The following GALNT3 variants were observed in gnomAD, a reference collection of about 807,000 sequenced individuals.
The protein encoded by GALNT3 is GalNAc transferase 3.
A neutral mutation model predicts 69.8 loss-of-function variants in GALNT3; 51 were observed. The ratio of observed to expected loss-of-function variants is 0.73; its 90% CI spans 0.58 to 0.92. The LOEUF (loss-of-function observed/expected upper bound fraction) is 0.92, where lower values mean the gene tolerates loss of function less well. GALNT3 is among the 40% of genes least tolerant of loss of function. The probability of loss-of-function intolerance (pLI) is 0.00; values close to 1 mark genes in which losing one functional copy is unlikely to be tolerated. For missense variants in GALNT3, 711 were observed against 760.0 expected, an observed-to-expected ratio of 0.94 and a Z score of 0.76; for synonymous variants, 265 against 248.5, an observed-to-expected ratio of 1.07 and a Z score of -0.63.
rs79624426 is a variant in GALNT3 at position 165,793,105 on chromosome 2, G to T, written c.-109+910C>A. 4.3e-3 allele frequency among the ~76,000 whole-genome samples: 657 copies of T among 152,168 alleles called. 3 individuals are homozygous for T. The highest frequency in any genetic ancestry group is 0.015 in the African/African-American group (637 of 41,528). ...AAGGAAATAAAAGTCTAAGGTAAGC[G>T]CCAGTTTCACCCTCAATTCTTAGGC... On this transcript the variant is annotated intron_variant, in intron 1 of 10. Transcript: ENST00000392701.
At chr2:165,752,565 A>G (rs1466929565) in intron 9 of GALNT3, among the ~76,000 whole-genome samples, 2 of 152,204 alleles carry the variant, frequency 1.3e-5, no homozygotes, top group Non-Finnish European at 2.9e-5. Flanking sequence ...TATTCTATTT[A>G]AAATGTAAAC....
chr2:165,782,471 G>T (rs189138811), intron 1 of GALNT3, among the ~76,000 whole-genome samples: 2 of 152,010 alleles, frequency 1.3e-5, no homozygotes, highest in African/African-American at 4.8e-5. Flanking sequence ...ATCCAGGGTC[G>T]CATGTGGCCC....
At chr2:165,762,973 T>C (rs1025237636) in intron 3 of GALNT3, among the ~76,000 whole-genome samples, 4 of 151,132 alleles carry the variant, frequency 2.6e-5, no homozygotes, top group East Asian at 1.9e-4. Context: ...CTTTTCTTTT[T>C]TTTTTTTTTT....
chr2:165,783,972 C>G (rs941440003), intron 1 of GALNT3, among the ~76,000 whole-genome samples: 1 of 152,186 alleles, frequency 6.6e-6, no homozygotes, highest in African/African-American at 2.4e-5. Flanking sequence ...ACTTCTCCAA[C>G]TACCATCTGA....
chr2:165,751,706 A>G (rs1208826769), intron 9 of GALNT3, among the ~76,000 whole-genome samples: 2 of 152,196 alleles, frequency 1.3e-5, no homozygotes, highest in Non-Finnish European at 2.9e-5. Flanking sequence ...CTCAAACTGC[A>G]TTACACTAGT....
chr2:165,780,753 A>C (rs1683088598), intron 1 of GALNT3, among the ~76,000 whole-genome samples: 1 of 152,096 alleles, frequency 6.6e-6, no homozygotes, highest in Admixed American at 6.5e-5. Context: ...AGGCAATGCC[A>C]TTAGAGTTGC....
At position 165,773,797 on chromosome 2, in the gene GALNT3, TA is replaced by T. The variant is rs80285814; in HGVS notation, c.-108-2990del. On this transcript the variant is annotated intron_variant, in intron 1 of 10. Transcript: ENST00000392701. ...TTCCAATCCTATGAAGGAGGGGTGGTAAAAAAAAAAAAAAGACAAATGAAAA... is the reference window on the plus strand; with the variant it reads ...TTCCAATCCTATGAAGGAGGGGTGGTAAAAAAAAAAAAAGACAAATGAAAA... Among the ~76,000 whole-genome samples the T allele has an allele frequency of 4.8e-3, 647 of 134,426 alleles. 2 individuals are homozygous for T. Among genetic ancestry groups the T allele is most frequent in the East Asian group, 0.012 (53 of 4,604 alleles). 88.2% of individuals were successfully genotyped at this position (134,426 alleles called of 152,430 possible).
At chr2:165,771,713 G>C (rs564416770) in intron 1 of GALNT3, 4 of 152,174 alleles carry the variant, frequency 2.6e-5, no homozygotes, top group Admixed American at 6.5e-5. Flanking sequence ...CAGGGACGAA[G>C]GGGAGGGAAA....
chr2:165,762,019 G>T lies in GALNT3; in HGVS notation c.724C>A (p.Gln242Lys). The change falls in exon 4 of 11, where the codon CAA (glutamine) becomes AAA (lysine). Residue 242 changes from glutamine (Q) to lysine (K), a missense_variant. Transcript: ENST00000392701. ...LHDKLDEYVKQFSIVKIVRQR... is the reference protein window; with the variant it reads ...LHDKLDEYVKKFSIVKIVRQR... ...CTGACTATTTTTACTATAGAAAATT[G>T]TTTTACATATTCATCTAGTTTATCA... 1 of 1,592,934 alleles carries T rather than the reference G, an allele frequency of 6.3e-7. No individual in the cohort carries two copies. The highest frequency in any genetic ancestry group is 8.6e-7 in the Non-Finnish European group (1 of 1,161,084).
At chr2:165,790,771 G>A (rs1683331106) in intron 1 of GALNT3, among the ~76,000 whole-genome samples, 1 of 152,150 alleles carries the variant, frequency 6.6e-6, no homozygotes, top group South Asian at 2.1e-4. Flanking sequence ...ATCTCTCAAT[G>A]TAGTCTTTTT....
intron 1 of GALNT3, among the ~76,000 whole-genome samples, chr2:165,784,723 T>C (rs1303205251): frequency 6.6e-6 from 1 of 152,112 alleles, no homozygotes; most frequent in African/African-American, 2.4e-5. Flanking sequence ...TTATCTTCAG[T>C]GGTAGACCTA....
chr2:165,754,694 A>G lies in GALNT3; in HGVS notation c.1559T>C (p.Val520Ala). The change falls in exon 9 of 11, where the codon GTT becomes GCT. Residue 520 changes from valine to alanine, a missense_variant. By Grantham distance (64) the Val-to-Ala change is moderately conservative. Transcript: ENST00000392701. ...KSVGQPLCLDVGENNQGGKPL... is the reference protein window; with the variant it reads ...KSVGQPLCLDAGENNQGGKPL... Reference sequence around the variant, plus strand: ...TTTGCCTCCTTGATTGTTTTCTCCAACATCCAGACATAGAGGCTGACCAAC... The same window carrying G: ...TTTGCCTCCTTGATTGTTTTCTCCAGCATCCAGACATAGAGGCTGACCAAC... 3.1e-6 allele frequency: 5 copies of G among 1,613,558 alleles called. No individual in the cohort carries two copies. The highest frequency in any genetic ancestry group is 4.2e-6 in the Non-Finnish European group (5 of 1,179,726).
intron 2 of GALNT3, among the ~76,000 whole-genome samples, chr2:165,767,060 T>A (rs894333987): frequency 3.3e-5 from 5 of 152,094 alleles, no homozygotes; most frequent in African/African-American, 7.2e-5. Flanking sequence ...TAAAAACAAA[T>A]TATTTATTCT....
intron 1 of GALNT3, among the ~76,000 whole-genome samples, chr2:165,783,474 T>C (rs917779001): frequency 1.3e-5 from 2 of 152,210 alleles, no homozygotes; most frequent in African/African-American, 4.8e-5. Context: ...TTCACCTTTC[T>C]ACAGGTTTAC....
At chr2:165,793,810 C>T (rs1225493900) in intron 1 of GALNT3, 2 of 152,918 alleles carry the variant, frequency 1.3e-5, no homozygotes, top group African/African-American at 2.4e-5. Flanking sequence ...CGGGCTCCCC[C>T]CCGAGGCGCC....
intron 1 of GALNT3, among the ~76,000 whole-genome samples, chr2:165,780,914 T>C (rs1683092177): frequency 6.6e-6 from 1 of 152,262 alleles, no homozygotes; most frequent in Non-Finnish European, 1.5e-5. Context: ...TTTACCCAGA[T>C]AATGATGGGA....
intron 1 of GALNT3, among the ~76,000 whole-genome samples, chr2:165,792,162 A>C (rs1231098003): frequency 6.6e-6 from 1 of 152,198 alleles, no homozygotes; most frequent in Non-Finnish European, 1.5e-5. Flanking sequence ...AGGGATCTCG[A>C]GAATGCTAGG....
intron 1 of GALNT3, among the ~76,000 whole-genome samples, chr2:165,779,238 T>TC (rs1683048018): frequency 1.3e-5 from 2 of 150,754 alleles, no homozygotes; most frequent in South Asian, 4.1e-4. Context: ...TCCAGTGCCC[T>TC]CTACTGACAA....
chr2:165,770,446 A>G lies in GALNT3; in HGVS notation c.255T>C (p.Pro85=), dbSNP rs1688730557. 3.7e-6 allele frequency: 6 copies of G among 1,614,238 alleles called. No homozygotes were observed. The highest frequency in any genetic ancestry group is 5.1e-6 in the Non-Finnish European group (6 of 1,180,038). The part of the protein sequence containing the change: ...DAMPKMQIGA[P]VRQNIDAGER... Reference sequence around the variant, plus strand: ...CACCAGCATCAATGTTTTGCCTGACAGGTGCTCCTATTTGCATTTTTGGCA... The same window carrying G: ...CACCAGCATCAATGTTTTGCCTGACGGGTGCTCCTATTTGCATTTTTGGCA... The change falls in exon 2 of 11, where the codon CCT becomes CCC. Residue 85 remains proline, a synonymous_variant. Coordinates refer to ENST00000392701, the MANE Select transcript of GALNT3 (RefSeq NM_004482.4).
Sources: allele counts gnomAD v4.1 joint callset (sites outside exome capture counted in the v4.1 genomes callset), GRCh38; gene constraint gnomAD v4.1.1; transcripts MANE v1.5; gene names NCBI Gene and HGNC (gene_info 2026-07-23, HGNC 2026-07-21).